The following EPM2A variants were observed in gnomAD, a reference collection of about 807,000 sequenced individuals.
EPM2A encodes the protein laforin.
Under a neutral mutation model 26.5 loss-of-function variants are expected in EPM2A, and 21 were observed. That is an observed-to-expected ratio of 0.79 (90% CI 0.56 to 1.14). The LOEUF (loss-of-function observed/expected upper bound fraction) is 1.14. EPM2A is among the 50% of genes most tolerant of loss of function. The probability of loss-of-function intolerance (pLI) is 0.00; values close to 1 mark genes in which losing one functional copy is unlikely to be tolerated. For missense variants in EPM2A, 458 were observed against 440.8 expected, an observed-to-expected ratio of 1.04 and a Z score of -0.35; for synonymous variants, 217 against 177.6, an observed-to-expected ratio of 1.22 and a Z score of -1.76.
In EPM2A at chr6:145,626,415, C is replaced by T. The variant is rs540474350; in HGVS notation, c.*1001G>A. Reference sequence around the variant, plus strand: ...GTATAGTTCCTCTCATGAATTTCCACTCTGGTCTTAAAACAGCCCATCATG... The same window carrying T: ...GTATAGTTCCTCTCATGAATTTCCATTCTGGTCTTAAAACAGCCCATCATG... On this transcript the variant is annotated 3_prime_UTR_variant, in exon 4 of 4. Transcript: ENST00000367519. The T allele has an allele frequency of 1.4e-5, 14 of 985,948 alleles. No homozygotes were observed. In the South Asian group the frequency reaches 4.2e-4, roughly 30 times the overall value. 61.1% of individuals were successfully genotyped at this position (985,948 alleles called of 1,614,324 possible). A position where few individuals can be genotyped will look rare whatever the true frequency, so the allele number is the denominator to read the frequency against.
intron 1 of EPM2A, among the ~76,000 whole-genome samples, chr6:145,694,889 C>T (rs1207605962): frequency 6.6e-6 from 1 of 151,894 alleles, no homozygotes; most frequent in Non-Finnish European, 1.5e-5. Flanking sequence ...AATTCATCAC[C>T]ACTAGTCCTG....
At chr6:145,526,142 C>T (rs1009770002) in intron 2 of EPM2A, among the ~76,000 whole-genome samples, 1 of 152,038 alleles carries the variant, frequency 6.6e-6, no homozygotes, top group Non-Finnish European at 1.5e-5. Flanking sequence ...AGGAAGAAAG[C>T]CTACTTGATC....
At chr6:145,475,347 T>A (rs1052816202) in intron 4 of EPM2A, among the ~76,000 whole-genome samples, 1 of 152,098 alleles carries the variant, frequency 6.6e-6, no homozygotes, top group Non-Finnish European at 1.5e-5. Context: ...ACCATCATAC[T>A]CAGCAAACAA....
At chr6:145,476,610 C>T (rs921957513) in intron 4 of EPM2A, among the ~76,000 whole-genome samples, 4 of 151,946 alleles carry the variant, frequency 2.6e-5, no homozygotes, top group African/African-American at 9.7e-5. Flanking sequence ...CATCTTCTCT[C>T]ACCACAATGG....
chr6:145,662,131 T>C (rs1304560214), intron 2 of EPM2A, among the ~76,000 whole-genome samples: 1 of 152,208 alleles, frequency 6.6e-6, no homozygotes, highest in Non-Finnish European at 1.5e-5. Context: ...CAAGTCCAGA[T>C]GAGAAGTCTG....
At chr6:145,542,702 T>G (rs1320576514) in intron 2 of EPM2A, among the ~76,000 whole-genome samples, 1 of 152,150 alleles carries the variant, frequency 6.6e-6, no homozygotes, top group Non-Finnish European at 1.5e-5. Flanking sequence ...CTATGATACT[T>G]GGCTTTATTT....
chr6:145,501,992 T>C, intron 3 of EPM2A: 1 of 392,034 alleles, frequency 2.6e-6, no homozygotes, highest in South Asian at 2.0e-5. Context: ...GAGTCTCGAA[T>C]TGAACCCTAA....
At position 145,626,340 on chromosome 6, in the gene EPM2A, A is replaced by G. The variant is rs1775805910; in HGVS notation, c.*1076T>C. 1.0e-6 allele frequency: 1 copy of G among 985,956 alleles called. No individual in the cohort carries two copies. Among genetic ancestry groups the G allele is most frequent in the African/African-American group, 1.7e-5 (1 of 57,252 alleles). The allele number at this position is 985,956 out of a possible 1,614,324, so 61.1% of individuals were successfully genotyped here. On this transcript the variant is annotated 3_prime_UTR_variant, in exon 4 of 4. Transcript: ENST00000367519. ...ATTGAGAGCTGAGCCAGGATGGCCA[A>G]GGCTGTGAAGCAATTATCCATGGAT... is the stretch of plus-strand genomic sequence containing the variant.
chr6:145,437,633 A>T (rs1779006157), intron 4 of EPM2A, among the ~76,000 whole-genome samples: 1 of 152,208 alleles, frequency 6.6e-6, no homozygotes, highest in African/African-American at 2.4e-5. Context: ...AAAACATAAA[A>T]ACAAATAAAC....
intron 1 of EPM2A, among the ~76,000 whole-genome samples, chr6:145,715,813 A>G (rs1775585808): frequency 6.6e-6 from 1 of 152,196 alleles, no homozygotes. Context: ...CAACCCACAG[A>G]TGGGACCATC....
chr6:145,397,013 A>C (rs186491108), intron 4 of EPM2A, among the ~76,000 whole-genome samples: 234 of 152,308 alleles, frequency 1.5e-3, no homozygotes, highest in African/African-American at 5.1e-3. Flanking sequence ...CAGACTGATG[A>C]AATCATTAAA....
chr6:145,486,069 G>C (rs191262757), intron 4 of EPM2A, among the ~76,000 whole-genome samples: 4 of 152,306 alleles, frequency 2.6e-5, no homozygotes, highest in African/African-American at 9.6e-5. Flanking sequence ...GAAATTTCAT[G>C]CTGTGAGCTG....
chr6:145,389,577 T>C (rs1778310831), intron 4 of EPM2A, among the ~76,000 whole-genome samples: 1 of 152,200 alleles, frequency 6.6e-6, no homozygotes, highest in African/African-American at 2.4e-5. Flanking sequence ...AAGGGGACAG[T>C]CTGGGAGAAA....
chr6:145,679,400 A>C (rs996913811), intron 2 of EPM2A, among the ~76,000 whole-genome samples: 28 of 152,134 alleles, frequency 1.8e-4, no homozygotes, highest in African/African-American at 6.8e-4. Flanking sequence ...CTAGAACTTA[A>C]AGTATAATAA....
chr6:145,715,657 A>G (rs558303948), intron 1 of EPM2A, among the ~76,000 whole-genome samples: 1 of 152,190 alleles, frequency 6.6e-6, no homozygotes, highest in East Asian at 1.9e-4. Flanking sequence ...TACGGGGTGA[A>G]CTCTGCGTCC....
At chr6:145,386,364 A>G (rs191945128) in intron 4 of EPM2A, among the ~76,000 whole-genome samples, 13 of 152,210 alleles carry the variant, frequency 8.5e-5, no homozygotes, top group Admixed American at 8.5e-4. Context: ...AACGAGGGAA[A>G]AAAAGCTTTT....
chr6:145,432,972 T>A (rs140844216), intron 4 of EPM2A, among the ~76,000 whole-genome samples: 1 of 152,294 alleles, frequency 6.6e-6, no homozygotes, highest in Non-Finnish European at 1.5e-5. Flanking sequence ...ACTTTTCCTC[T>A]GCAGCTTCCT....
At chr6:145,397,424 G>T (rs1346576850) in intron 4 of EPM2A, among the ~76,000 whole-genome samples, 1 of 152,070 alleles carries the variant, frequency 6.6e-6, no homozygotes, top group African/African-American at 2.4e-5. Flanking sequence ...TTGGGCAACA[G>T]AGCAAGAGCC....
At chr6:145,564,434 A>G (rs886665264) in intron 2 of EPM2A, among the ~76,000 whole-genome samples, 1 of 152,240 alleles carries the variant, frequency 6.6e-6, no homozygotes, top group Non-Finnish European at 1.5e-5. Context: ...TCCACCCAAC[A>G]GCATGAGCAG....
Sources: gnomAD v4.1 joint callset for allele counts (sites outside exome capture counted in the v4.1 genomes callset) on GRCh38, gnomAD v4.1.1 for gene constraint, MANE v1.5 for transcripts, NCBI Gene and HGNC (gene_info 2026-07-23, HGNC 2026-07-21) for gene names.